Variants in CHL1 observed in about 807,000 individuals in gnomAD.
CHL1 encodes the protein neural cell adhesion molecule L1-like protein.
Under a neutral mutation model 141.9 loss-of-function variants are expected in CHL1, and 96 were observed. That is an observed-to-expected ratio of 0.68 (90% CI 0.57 to 0.80). CHL1 has a LOEUF of 0.80. CHL1 is among the 30% of genes least tolerant of loss of function. The probability of loss-of-function intolerance (pLI) is 0.00; values close to 1 mark genes in which losing one functional copy is unlikely to be tolerated. For missense variants in CHL1, 1,820 were observed against 1,457.2 expected, an observed-to-expected ratio of 1.25 and a Z score of -4.05; for synonymous variants, 613 against 502.2, an observed-to-expected ratio of 1.22 and a Z score of -2.95.
At chr3:318,386 A>G (rs768614044) in intron 2 of CHL1, among the ~76,000 whole-genome samples, 10 of 151,866 alleles carry the variant, frequency 6.6e-5, no homozygotes, top group Non-Finnish European at 1.0e-4. Context: ...GAACACATAG[A>G]GTAATTGATT....
At chr3:326,103 T>C (rs1384346216) in intron 4 of CHL1, 39 bp downstream of exon 4, 1 of 1,254,700 alleles carries the variant, frequency 8.0e-7, no homozygotes, top group African/African-American at 1.5e-5. Context: ...TTTAAATGCG[T>C]GCTGTTCTTT....
At chr3:337,290 C>A (rs11926235) in intron 5 of CHL1, among the ~76,000 whole-genome samples, 8,814 of 150,582 alleles carry the variant, frequency 0.059, 882 homozygotes, top group African/African-American at 0.2. Context: ...TCCCGGGTTC[C>A]CGCCATTCTC....
chr3:387,858 A>T (rs980743454), intron 19 of CHL1, among the ~76,000 whole-genome samples: 7 of 151,936 alleles, frequency 4.6e-5, no homozygotes, highest in Admixed American at 2.6e-4. Flanking sequence ...TTTTTCCCTC[A>T]GTTAGTTTAG....
intron 1 of CHL1, among the ~76,000 whole-genome samples, chr3:199,156 A>G (rs529005377): frequency 1.3e-5 from 2 of 152,334 alleles, no homozygotes; most frequent in African/African-American, 4.8e-5. Flanking sequence ...TTATGGCCTT[A>G]AGTGCTGCAG....
chr3:292,005 C>G (rs1471506983), intron 2 of CHL1, among the ~76,000 whole-genome samples: 1 of 152,194 alleles, frequency 6.6e-6, no homozygotes, highest in Non-Finnish European at 1.5e-5. Context: ...GATGTCAGCA[C>G]TAACCAGGAG....
chr3:296,387 A>AGGGATACCTGATATTAGG (rs1698188446), intron 2 of CHL1, among the ~76,000 whole-genome samples: 1 of 152,206 alleles, frequency 6.6e-6, no homozygotes, highest in Non-Finnish European at 1.5e-5. Flanking sequence ...GACTGGCCTT[A>AGGGATACCTGATATTAGG]GGGATACCTG....
chr3:249,518 T>G (rs1483785404), intron 2 of CHL1, among the ~76,000 whole-genome samples: 1 of 152,180 alleles, frequency 6.6e-6, no homozygotes, highest in African/African-American at 2.4e-5. Context: ...AATTTTATTA[T>G]GGCATGTTTG....
At chr3:204,576 G>C (rs1178828419) in intron 1 of CHL1, among the ~76,000 whole-genome samples, 1 of 152,222 alleles carries the variant, frequency 6.6e-6, no homozygotes, top group East Asian at 1.9e-4. Context: ...GGTTAGAGTT[G>C]TTGGAAGTTC....
intron 1 of CHL1, among the ~76,000 whole-genome samples, chr3:205,531 G>C (rs897426455): frequency 1.3e-5 from 2 of 152,206 alleles, no homozygotes; most frequent in African/African-American, 2.4e-5. Context: ...AATTGAAAAT[G>C]TTACCAGTTA....
intron 5 of CHL1, 197 bp downstream of exon 5, chr3:328,551 ACT>A (rs1701190195): frequency 4.5e-6 from 2 of 441,314 alleles, no homozygotes; most frequent in East Asian, 3.5e-5. Flanking sequence ...ACATAATTTG[ACT>A]CTGTTTCAGT....
rs752357981 is a variant in CHL1 at position 343,028 on chromosome 3, A to G, written c.724A>G (p.Lys242Glu). ...DSSSSTEIGS[K>E]ANSIKQRKPK... ...AAGTTCATCCACAGAAATTGGTTCC[A>G]AGGGTAAGTTGAACCCATGTGGAGT... Residue 242 changes from lysine (K) to glutamate (E), a missense_variant, in exon 8 of 28, where the codon AAG becomes GAG. Lys to Glu is a moderately conservative substitution (Grantham distance 56). Coordinates refer to ENST00000256509, the MANE Select transcript of CHL1 (RefSeq NM_006614.4). 142 of 1,607,550 alleles carry G rather than the reference A, an allele frequency of 8.8e-5. No individual in the cohort carries two copies. The highest frequency in any genetic ancestry group is 1.1e-4 in the Non-Finnish European group (131 of 1,177,744).
intron 2 of CHL1, among the ~76,000 whole-genome samples, chr3:253,934 G>T (rs1390739291): frequency 6.6e-6 from 1 of 152,190 alleles, no homozygotes; most frequent in East Asian, 1.9e-4. Context: ...CACTGAGCTA[G>T]CCATCATGTT....
intron 10 of CHL1, among the ~76,000 whole-genome samples, chr3:353,419 A>G (rs1703434650): frequency 6.6e-6 from 1 of 152,210 alleles, no homozygotes. Flanking sequence ...ACCTCAGAAA[A>G]TGATCGCAGT....
rs1377657541 is a variant in CHL1, at chr3:382,178, G to C, written c.1877-1G>C. The C allele has an allele frequency of 6.2e-7, 1 of 1,610,822 alleles. No homozygotes were observed. Among genetic ancestry groups the C allele is most frequent in the African/African-American group, 1.3e-5 (1 of 74,746 alleles). On this transcript the variant is annotated splice_acceptor_variant, in intron 16 of 27. Transcript: ENST00000256509. LOFTEE classifies it high-confidence loss of function. ...ACATTTTCCCTTCCTTTATTAATTA[G>C]ATGTTCCGGATCCACCAGAAAACCT... is the stretch of plus-strand genomic sequence containing the variant.
At chr3:353,349 A>T (rs1703426298) in intron 10 of CHL1, among the ~76,000 whole-genome samples, 1 of 152,218 alleles carries the variant, frequency 6.6e-6, no homozygotes, top group Non-Finnish European at 1.5e-5. Context: ...GTATTAAAAT[A>T]ACCAGAAAAA....
intron 26 of CHL1, 36 bp from the exon 27 acceptor site, chr3:401,590 C>G (rs746549215): frequency 5.0e-6 from 6 of 1,208,874 alleles, no homozygotes; most frequent in South Asian, 1.3e-5. Flanking sequence ...TAAATGGTCA[C>G]TGTATTACTT....
intron 1 of CHL1, among the ~76,000 whole-genome samples, chr3:224,026 T>C (rs1701103591): frequency 2.6e-5 from 4 of 152,186 alleles, no homozygotes; most frequent in African/African-American, 7.2e-5. Context: ...ATGTTACCTA[T>C]AGGAGCAATT....
intron 2 of CHL1, among the ~76,000 whole-genome samples, chr3:284,438 T>A (rs1328861298): frequency 6.6e-6 from 1 of 152,200 alleles, no homozygotes; most frequent in Non-Finnish European, 1.5e-5. Flanking sequence ...AACACCAGAT[T>A]GTTTGTGTGG....
chr3:234,439 T>G (rs1175932113), intron 1 of CHL1, among the ~76,000 whole-genome samples: 1 of 152,120 alleles, frequency 6.6e-6, no homozygotes, highest in Non-Finnish European at 1.5e-5. Flanking sequence ...CACTGCAGCA[T>G]GAGACGTTAC....
Sources: allele counts gnomAD v4.1 joint callset (sites outside exome capture counted in the v4.1 genomes callset), GRCh38; gene constraint gnomAD v4.1.1; transcripts MANE v1.5; gene names NCBI Gene and HGNC (gene_info 2026-07-23, HGNC 2026-07-21).